Variants in PHF21B observed in about 807,000 individuals in gnomAD.
The protein encoded by PHF21B is PHD finger protein 4.
PHF21B carries 22 observed loss-of-function variants against 62.2 expected under a neutral mutation model. That is an observed-to-expected ratio of 0.35 (90% CI 0.25 to 0.51). The LOEUF (loss-of-function observed/expected upper bound fraction) is 0.51, where lower values mean the gene tolerates loss of function less well. PHF21B is among the 20% of genes least tolerant of loss of function. The pLI is 0.97. For missense variants in PHF21B, 701 were observed against 707.9 expected, an observed-to-expected ratio of 0.99 and a Z score of 0.11; for synonymous variants, 341 against 314.7, an observed-to-expected ratio of 1.08 and a Z score of -0.88.
intron 8 of PHF21B, 95 bp downstream of exon 8, chr22:44,891,211 G>A: frequency 2.1e-6 from 3 of 1,413,294 alleles, no homozygotes; most frequent in South Asian, 1.2e-5. Flanking sequence ...TGGGAGGCGG[G>A]CAGCCCTGCC....
chr22:44,890,959 G>A lies in PHF21B; in HGVS notation c.1015+347C>T, dbSNP rs370813428. 1.2e-4 allele frequency among the ~76,000 whole-genome samples: 18 copies of A among 152,360 alleles called. No homozygotes were observed. In the East Asian group the frequency reaches 1.5e-3, roughly 13 times the overall value. On this transcript the variant is annotated intron_variant, in intron 8 of 12. Coordinates refer to ENST00000313237, the MANE Select transcript of PHF21B (RefSeq NM_138415.5). ...TGAGAGGCGCCAGCCCAGCCCAGGG[G>A]TATCAGAGGCCGCCCGCGTGTGGGG...
chr22:44,919,670 T>C (rs2071499939), intron 3 of PHF21B, among the ~76,000 whole-genome samples: 1 of 152,266 alleles, frequency 6.6e-6, no homozygotes, highest in Admixed American at 6.5e-5. Context: ...CCCAGTATGC[T>C]ATATACAGCA....
intron 2 of PHF21B, among the ~76,000 whole-genome samples, chr22:44,963,323 T>C (rs1783466640): frequency 6.6e-6 from 1 of 152,190 alleles, no homozygotes; most frequent in Non-Finnish European, 1.5e-5. Flanking sequence ...GACAGCACAC[T>C]GGTTAGGGAG....
intron 3 of PHF21B, 62 bp from the exon 4 acceptor site, chr22:44,916,692 C>T (rs773604721): frequency 1.3e-4 from 198 of 1,472,084 alleles, no homozygotes; most frequent in Non-Finnish European, 1.8e-4. Flanking sequence ...AGGGGAGGGG[C>T]CGCCCTGGCT....
At chr22:44,999,707 G>C (rs933059169) in intron 2 of PHF21B, among the ~76,000 whole-genome samples, 4 of 152,150 alleles carry the variant, frequency 2.6e-5, no homozygotes, top group African/African-American at 9.6e-5. Flanking sequence ...GCCAGTGTTG[G>C]AGTTAAGGTC....
At chr22:44,985,603 G>C in intron 2 of PHF21B, among the ~76,000 whole-genome samples, 1 of 130,424 alleles carries the variant, frequency 7.7e-6, no homozygotes, top group East Asian at 2.6e-4. Context: ...TCTCTCAAAA[G>C]AAAAAAAAAA....
At chr22:44,996,229 G>A (rs1041812464) in intron 2 of PHF21B, among the ~76,000 whole-genome samples, 7 of 152,072 alleles carry the variant, frequency 4.6e-5, no homozygotes, top group Non-Finnish European at 7.4e-5. Flanking sequence ...CATCCCTGCC[G>A]AGGCTGGGAA....
intron 2 of PHF21B, among the ~76,000 whole-genome samples, chr22:44,935,993 T>C (rs1245841974): frequency 2.0e-5 from 3 of 152,194 alleles, no homozygotes; most frequent in Non-Finnish European, 2.9e-5. Context: ...TCTGCTGGGG[T>C]ATTTTTAGAA....
chr22:44,983,079 C>A lies in PHF21B; in HGVS notation c.120+25466G>T, dbSNP rs2072872190. Among the ~76,000 whole-genome samples, 3 of 152,002 alleles carry A rather than the reference C, an allele frequency of 2.0e-5. No individual in the cohort carries two copies. The South Asian group carries it at 6.2e-4, about 32-fold the overall frequency. On this transcript the variant is annotated intron_variant, in intron 2 of 12. Coordinates refer to ENST00000313237, the MANE Select transcript of PHF21B (RefSeq NM_138415.5). Reference sequence around the variant, plus strand: ...ACCAACCCTGTCTCCACTAAAAATTCAAAAATTAGCCGGGCATGGTGGCAG... The same window carrying A: ...ACCAACCCTGTCTCCACTAAAAATTAAAAAATTAGCCGGGCATGGTGGCAG...
At chr22:44,981,276 CTT>C (rs1003033407) in intron 2 of PHF21B, among the ~76,000 whole-genome samples, 8 of 152,210 alleles carry the variant, frequency 5.3e-5, no homozygotes, top group African/African-American at 1.9e-4. Context: ...CTGTTCAACA[CTT>C]TCCCTGTGTC....
intron 2 of PHF21B, chr22:45,003,197 G>A (rs1251126816): frequency 6.6e-6 from 1 of 152,276 alleles, no homozygotes; most frequent in African/African-American, 2.4e-5. Context: ...CTGCAGGCTA[G>A]GGGCTCCCCT....
At chr22:44,947,581 G>A (rs924708585) in intron 2 of PHF21B, among the ~76,000 whole-genome samples, 1 of 151,194 alleles carries the variant, frequency 6.6e-6, no homozygotes, top group Non-Finnish European at 1.5e-5. Context: ...CCGCAGCCCC[G>A]CTCGGCAGCA....
chr22:44,913,615 G>T (rs554057740), intron 5 of PHF21B, among the ~76,000 whole-genome samples: 1 of 152,232 alleles, frequency 6.6e-6, no homozygotes, highest in Non-Finnish European at 1.5e-5. Flanking sequence ...TCACACTGCC[G>T]TTCAGCCAGT....
chr22:44,983,832 T>C (rs949593305), intron 2 of PHF21B, among the ~76,000 whole-genome samples: 1 of 152,070 alleles, frequency 6.6e-6, no homozygotes, highest in Non-Finnish European at 1.5e-5. Context: ...AAACCACTAA[T>C]ATTTGCATAA....
intron 2 of PHF21B, among the ~76,000 whole-genome samples, chr22:44,937,119 G>C (rs2071865646): frequency 1.3e-5 from 2 of 152,104 alleles, no homozygotes; most frequent in South Asian, 4.1e-4. Flanking sequence ...AACTGCCTCG[G>C]CCTCCCAAAC....
rs1281476188 is a variant in PHF21B, at chr22:44,882,742, T to C, written c.*344A>G. ...GGGCGTGCTTGTCCCCTCCACAGCCTCAGCCTGCCCCTCCAACGGGCCAGA... is the reference window on the plus strand; with the variant it reads ...GGGCGTGCTTGTCCCCTCCACAGCCCCAGCCTGCCCCTCCAACGGGCCAGA... On this transcript the variant is annotated 3_prime_UTR_variant, in exon 13 of 13. Transcript: ENST00000313237. 3.8e-6 allele frequency: 1 copy of C among 260,458 alleles called. No homozygotes were observed. The highest frequency in any genetic ancestry group is 9.2e-5 in the East Asian group (1 of 10,894). 16.1% of individuals were successfully genotyped at this position (260,458 alleles called of 1,614,324 possible). A position where few individuals can be genotyped will look rare whatever the true frequency, so the allele number is the denominator to read the frequency against.
chr22:44,918,616 G>A lies in PHF21B; in HGVS notation c.213+1782C>T, dbSNP rs551428036. Among the ~76,000 whole-genome samples the A allele has an allele frequency of 9.2e-5, 14 of 152,328 alleles. No individual in the cohort carries two copies. The South Asian group carries it at 2.1e-3, about 23-fold the overall frequency. On this transcript the variant is annotated intron_variant, in intron 3 of 12. Coordinates refer to ENST00000313237, the MANE Select transcript of PHF21B (RefSeq NM_138415.5). ...ACACAGGCTGCCTACTCTGTTGCCC[G>A]TGAGCCACCTGGGACAGCAGCAGCT...
chr22:45,003,036 T>C (rs967993964), intron 2 of PHF21B: 1 of 152,274 alleles, frequency 6.6e-6, no homozygotes, highest in Non-Finnish European at 1.5e-5. Context: ...AGCATGATTT[T>C]CACAGCCCTT....
intron 2 of PHF21B, among the ~76,000 whole-genome samples, chr22:44,977,972 G>A (rs925362572): frequency 6.6e-6 from 1 of 152,106 alleles, no homozygotes; most frequent in African/African-American, 2.4e-5. Flanking sequence ...AAGCTCCCAA[G>A]AGTCAAGGTT....
Sources: gnomAD v4.1 joint callset for allele counts (sites outside exome capture counted in the v4.1 genomes callset) on GRCh38, gnomAD v4.1.1 for gene constraint, MANE v1.5 for transcripts, NCBI Gene and HGNC (gene_info 2026-07-23, HGNC 2026-07-21) for gene names.